STAT3: variants seen among roughly 807,000 people sequenced by gnomAD.
The protein encoded by STAT3 is signal transducer and activator of transcription 3, also known as DNA-binding protein APRF.
Under a neutral mutation model 114.3 loss-of-function variants are expected in STAT3, and 7 were observed. The observed-to-expected ratio is 0.06, with a 90% CI of 0.03 to 0.11. The LOEUF (loss-of-function observed/expected upper bound fraction) is 0.11. Among genes scored for constraint, STAT3 ranks in the 10% least tolerant of loss-of-function variants. STAT3 has a pLI of 1.00. For missense variants in STAT3, 364 were observed against 960.9 expected (o/e 0.38, Z 8.21); for synonymous variants, 331 against 354.5 (o/e 0.93, Z 0.74).
rs2084407947 is a variant in STAT3 at position 42,375,650 on chromosome 17, G to A, written c.-24+12629C>T. Among the ~76,000 whole-genome samples, 3 of 151,888 alleles carry A rather than the reference G, an allele frequency of 2.0e-5. No homozygotes were observed. In the South Asian group the frequency reaches 6.2e-4, roughly 32 times the overall value. ...TCGAGACCAGCCTGACCAACATGGA[G>A]AAACCCCCATCTCTAATAAAAATAC... On this transcript the variant is annotated intron_variant, in intron 1 of 23. Coordinates refer to ENST00000264657, the MANE Select transcript of STAT3 (RefSeq NM_139276.3).
intron 21 of STAT3, among the ~76,000 whole-genome samples, chr17:42,320,704 G>A (rs2144659968): frequency 6.7e-6 from 1 of 148,462 alleles, no homozygotes; most frequent in East Asian, 2.0e-4. Context: ...ACTCCAGCTT[G>A]GGTGATAGAG....
At chr17:42,388,118 C>T (rs1023347988) in intron 1 of STAT3, 161 bp downstream of exon 1, 11 of 885,920 alleles carry the variant, frequency 1.2e-5, no homozygotes, top group Admixed American at 8.6e-5. Context: ...CCTGTCATCC[C>T]GAAGAGTCTT....
chr17:42,347,117 G>A (rs2082732597), intron 2 of STAT3, among the ~76,000 whole-genome samples: 1 of 148,520 alleles, frequency 6.7e-6, no homozygotes, highest in Non-Finnish European at 1.5e-5. Context: ...GAATCCAAGA[G>A]GCAGAGGTGC....
intron 14 of STAT3, 87 bp from the exon 15 acceptor site, chr17:42,326,286 T>C (rs1389297636): frequency 4.9e-6 from 6 of 1,229,178 alleles, no homozygotes; most frequent in Admixed American, 1.8e-5. Flanking sequence ...GGCAGGAGGA[T>C]TGCCTGAGCC....
intron 1 of STAT3, among the ~76,000 whole-genome samples, chr17:42,362,726 T>C (rs2083577272): frequency 1.3e-5 from 2 of 152,178 alleles, no homozygotes; most frequent in East Asian, 1.9e-4. Context: ...AATGAACACG[T>C]AGCACTCAGG....
At chr17:42,323,446 C>T (rs575954348) in intron 18 of STAT3, 92 bp from the exon 19 acceptor site, 38 of 1,559,056 alleles carry the variant, frequency 2.4e-5, no homozygotes, top group East Asian at 6.7e-5. Context: ...TCCTCAGGCC[C>T]GTCTACCTTC....
At chr17:42,343,180 A>C (rs960739918) in intron 4 of STAT3, among the ~76,000 whole-genome samples, 12 of 151,562 alleles carry the variant, frequency 7.9e-5, no homozygotes, top group Admixed American at 3.3e-4. Context: ...AAAAAAAAAA[A>C]AAAAAAACAA....
intron 1 of STAT3, among the ~76,000 whole-genome samples, chr17:42,356,548 T>G: frequency 6.6e-6 from 1 of 151,312 alleles, no homozygotes; most frequent in Admixed American, 6.6e-5. Flanking sequence ...TATTTTTTTT[T>G]TTTTACATTG....
intron 1 of STAT3, among the ~76,000 whole-genome samples, chr17:42,368,732 C>CTT (rs763404467): frequency 7.3e-6 from 1 of 136,888 alleles, no homozygotes. Flanking sequence ...TGCAACCAGC[C>CTT]TTTTTTTTTT....
intron 3 of STAT3, 44 bp downstream of exon 3, chr17:42,346,525 C>T (rs1430121250): frequency 1.1e-5 from 18 of 1,613,580 alleles, no homozygotes; most frequent in Admixed American, 1.7e-5. Flanking sequence ...TAACACCCGA[C>T]TCTGCGGGTC....
intron 1 of STAT3, among the ~76,000 whole-genome samples, chr17:42,383,559 A>G (rs1247567478): frequency 6.6e-6 from 1 of 152,146 alleles, no homozygotes; most frequent in Non-Finnish European, 1.5e-5. Context: ...CCACCAAAGG[A>G]CCATGTGGCC....
intron 1 of STAT3, among the ~76,000 whole-genome samples, chr17:42,361,737 G>C (rs769884878): frequency 6.6e-6 from 1 of 152,014 alleles, no homozygotes; most frequent in Non-Finnish European, 1.5e-5. Context: ...AGGAGACCAC[G>C]GCAGAAGAGG....
At chr17:42,376,845 CA>C (rs59915321) in intron 1 of STAT3, among the ~76,000 whole-genome samples, 138,458 of 148,568 alleles carry the variant, frequency 0.93, 65,117 homozygotes, top group South Asian at 1. Context: ...GGCTCTGTCT[CA>C]AAAAAAAAAA....
At chr17:42,365,748 CG>C (rs1195108188) in intron 1 of STAT3, among the ~76,000 whole-genome samples, 1 of 151,358 alleles carries the variant, frequency 6.6e-6, no homozygotes, top group Non-Finnish European at 1.5e-5. Context: ...CTCCACCTCC[CG>C]GGTTGAAGTG....
In STAT3 at chr17:42,316,898, C is replaced by T. The variant is rs1429623448; in HGVS notation, c.2148G>A (p.Thr716=). 1 of 1,607,066 alleles carries T rather than the reference C, an allele frequency of 6.2e-7. No homozygotes were observed. Among genetic ancestry groups the T allele is most frequent in the Non-Finnish European group, 8.5e-7 (1 of 1,177,858 alleles). Residue 716 remains threonine, a synonymous_variant, in exon 23 of 24, where the codon ACG becomes ACA. Transcript: ENST00000264657. ...GCAGGTCAATGGTATTGCTGCAGGTCGTTCTGTAGGAAATGGGGGGCAGCA... is the reference window on the plus strand; with the variant it reads ...GCAGGTCAATGGTATTGCTGCAGGTTGTTCTGTAGGAAATGGGGGGCAGCA... The part of the protein sequence containing the change: ...LKTKFICVTP[T]TCSNTIDLPM...
At chr17:42,328,647 A>G (rs1257969922) in intron 14 of STAT3, among the ~76,000 whole-genome samples, 1 of 152,188 alleles carries the variant, frequency 6.6e-6, no homozygotes, top group Non-Finnish European at 1.5e-5. Flanking sequence ...ACCTCAAGTG[A>G]CCAGCCTGCC....
chr17:42,332,718 C>T (rs1354190532), intron 10 of STAT3, among the ~76,000 whole-genome samples: 4 of 151,566 alleles, frequency 2.6e-5, no homozygotes, highest in Admixed American at 6.6e-5. Context: ...TGGAGTGTGC[C>T]GGTCCAGCTA....
rs2144771205 is a variant in STAT3 at position 42,329,538 on chromosome 17, A to T, written c.1233+16T>A. 1 of 1,614,048 alleles carries T rather than the reference A, an allele frequency of 6.2e-7. No individual in the cohort carries two copies. The highest frequency in any genetic ancestry group is 1.1e-5 in the South Asian group (1 of 91,076). The stretch of plus-strand genomic sequence containing the variant: ...CAGCCAGAGGCCCTTTGTGAAGGGG[A>T]GCTCCTCCCACATACCAAGTGTTTG... On this transcript the variant is annotated intron_variant, in intron 13 of 23. Transcript: ENST00000264657.
chr17:42,318,323 C>T (rs573363700), intron 21 of STAT3, among the ~76,000 whole-genome samples: 3 of 152,086 alleles, frequency 2.0e-5, no homozygotes. Flanking sequence ...GATGAGGTTT[C>T]ACCATGTTGG....
Sources: gnomAD v4.1 joint callset for allele counts (sites outside exome capture counted in the v4.1 genomes callset) on GRCh38, gnomAD v4.1.1 for gene constraint, MANE v1.5 for transcripts, NCBI Gene and HGNC (gene_info 2026-07-23, HGNC 2026-07-21) for gene names.